EPHA4: variants seen among roughly 807,000 people sequenced by gnomAD.
EPHA4 encodes ephrin type-A receptor 4.
EPHA4 carries 19 observed loss-of-function variants against 108.3 expected under a neutral mutation model. The ratio of observed to expected loss-of-function variants is 0.18; its 90% CI spans 0.12 to 0.26. The LOEUF is 0.26. Among genes scored for constraint, EPHA4 ranks in the 10% least tolerant of loss-of-function variants. The probability of loss-of-function intolerance (pLI) is 1.00; values close to 1 mark genes in which losing one functional copy is unlikely to be tolerated. For synonymous variants in EPHA4, 449 were observed against 455.5 expected, an observed-to-expected ratio of 0.99 and a Z score of 0.18; for missense variants, 917 against 1,254.0, an observed-to-expected ratio of 0.73 and a Z score of 4.06.
intron 3 of EPHA4, among the ~76,000 whole-genome samples, chr2:221,545,855 C>G (rs997667428): frequency 6.6e-6 from 1 of 152,194 alleles, no homozygotes; most frequent in South Asian, 2.1e-4. Flanking sequence ...AGATTCTACA[C>G]TTAAAGGCCA....
At chr2:221,440,877 T>C (rs1049643752) in intron 11 of EPHA4, among the ~76,000 whole-genome samples, 10 of 152,206 alleles carry the variant, frequency 6.6e-5, no homozygotes, top group Admixed American at 1.3e-4. Flanking sequence ...TGGTATGCGG[T>C]CGTTTGTCCC....
In EPHA4 at chr2:221,436,727, A is replaced by G. The variant is rs546491781; in HGVS notation, c.2137-119T>C. ...TATCCGGTATGCAATGAAACTCAACATTATTTCCAGGCCTTTCTGACCAAA... is the reference window on the plus strand; with the variant it reads ...TATCCGGTATGCAATGAAACTCAACGTTATTTCCAGGCCTTTCTGACCAAA... On this transcript the variant is annotated intron_variant, in intron 12 of 17. Transcript: ENST00000281821. 1.3e-5 allele frequency: 14 copies of G among 1,071,506 alleles called. No individual in the cohort carries two copies. The East Asian group carries it at 3.1e-4, about 23-fold the overall frequency. The allele number at this position is 1,071,506 out of a possible 1,614,324, so 66.4% of individuals were successfully genotyped here. A position where few individuals can be genotyped will look rare whatever the true frequency, so the allele number is the denominator to read the frequency against.
upstream of EPHA4, chr2:221,572,891 C>G (rs1694893247): frequency 1.3e-5 from 2 of 152,382 alleles, no homozygotes; most frequent in African/African-American, 4.8e-5. Flanking sequence ...CTCTATCACT[C>G]GCTTCTTCCC....
chr2:221,514,064 G>A (rs778207297), intron 3 of EPHA4, among the ~76,000 whole-genome samples: 17 of 146,072 alleles, frequency 1.2e-4, no homozygotes, highest in Non-Finnish European at 2.2e-4. Flanking sequence ...CCTTTCCCAC[G>A]GACTCAGTTA....
chr2:221,441,598 C>T (rs753608821), intron 11 of EPHA4, among the ~76,000 whole-genome samples: 40 of 152,168 alleles, frequency 2.6e-4, no homozygotes, highest in Middle Eastern at 3.4e-3. Context: ...GCTGTCACCC[C>T]GACTCTCCAC....
chr2:221,530,716 C>A (rs1428444662), intron 3 of EPHA4, among the ~76,000 whole-genome samples: 1 of 152,182 alleles, frequency 6.6e-6, no homozygotes, highest in African/African-American at 2.4e-5. Flanking sequence ...GAATTCTGTT[C>A]TCTGGCTCCA....
chr2:221,540,253 A>G (rs1693794913), intron 3 of EPHA4, among the ~76,000 whole-genome samples: 1 of 152,116 alleles, frequency 6.6e-6, no homozygotes, highest in African/African-American at 2.4e-5. Flanking sequence ...AATTCTCTCT[A>G]TTCAAAGAAC....
chr2:221,552,194 C>T (rs1694183018), intron 3 of EPHA4, among the ~76,000 whole-genome samples: 1 of 152,182 alleles, frequency 6.6e-6, no homozygotes, highest in Non-Finnish European at 1.5e-5. Context: ...GCCTATCAAA[C>T]ATTCTTCTCT....
chr2:221,537,303 C>G (rs970895301), intron 3 of EPHA4, among the ~76,000 whole-genome samples: 1 of 152,214 alleles, frequency 6.6e-6, no homozygotes, highest in Admixed American at 6.5e-5. Context: ...AAAGTACACT[C>G]AAAGCAATTT....
chr2:221,430,722 T>C (rs190535498), intron 14 of EPHA4, among the ~76,000 whole-genome samples: 1 of 152,326 alleles, frequency 6.6e-6, no homozygotes, highest in Admixed American at 6.5e-5. Flanking sequence ...AGACACCAAC[T>C]CTGAATTTCT....
At position 221,496,926 on chromosome 2, in the gene EPHA4, G is replaced by C. The variant is rs191600738; in HGVS notation, c.979+4091C>G. The stretch of plus-strand genomic sequence containing the variant: ...CTCGGTCTCAAAAAAAAAAAATTTA[G>C]TTCCATTGGAGGGGTCTGAACCTTA... On this transcript the variant is annotated intron_variant, in intron 4 of 17. Transcript: ENST00000281821. Among the ~76,000 whole-genome samples, 364 of 152,072 alleles carry C rather than the reference G, an allele frequency of 2.4e-3. 1 individual carries two copies. Among genetic ancestry groups the C allele is most frequent in the African/African-American group, 8.4e-3 (350 of 41,510 alleles).
chr2:221,418,778 C>T lies in EPHA4; in HGVS notation c.*2594G>A, dbSNP rs556988239. On this transcript the variant is annotated 3_prime_UTR_variant, in exon 18 of 18. Coordinates refer to ENST00000281821, the MANE Select transcript of EPHA4 (RefSeq NM_004438.5). ...AGCTCACTCGGCCAGGGCTTGCCCACGGGCTCAGACCCAGACCCTGAAGTT... is the reference window on the plus strand; with the variant it reads ...AGCTCACTCGGCCAGGGCTTGCCCATGGGCTCAGACCCAGACCCTGAAGTT... 5.0e-4 allele frequency: 77 copies of T among 152,582 alleles called. No homozygotes were observed. Among genetic ancestry groups the T allele is most frequent in the South Asian group, 5.0e-3 (24 of 4,822 alleles). 9.5% of individuals were successfully genotyped at this position (152,582 alleles called of 1,614,324 possible). A position where few individuals can be genotyped will look rare whatever the true frequency, so the allele number is the denominator to read the frequency against.
chr2:221,540,063 G>A (rs1234287169), intron 3 of EPHA4, among the ~76,000 whole-genome samples: 2 of 152,112 alleles, frequency 1.3e-5, no homozygotes, highest in Non-Finnish European at 2.9e-5. Flanking sequence ...GGAATTACAG[G>A]TGTGTGCCAC....
chr2:221,471,177 A>G (rs1691476238), intron 5 of EPHA4, among the ~76,000 whole-genome samples: 1 of 152,170 alleles, frequency 6.6e-6, no homozygotes, highest in Admixed American at 6.6e-5. Context: ...GTCATAAGAA[A>G]TAATAAAGAA....
In EPHA4 at chr2:221,501,046, T is replaced by C. The variant is rs1692472335; in HGVS notation, c.950A>G (p.Asp317Gly). The C allele has an allele frequency of 1.2e-6, 2 of 1,612,680 alleles. No individual in the cohort carries two copies. The highest frequency in any genetic ancestry group is 1.7e-6 in the Non-Finnish European group (2 of 1,179,356). The change falls in exon 4 of 18, where the codon GAC becomes GGC. Residue 317 changes from aspartate to glycine, a missense_variant. Asp to Gly is a moderately conservative substitution (Grantham distance 94). Coordinates refer to ENST00000281821, the MANE Select transcript of EPHA4 (RefSeq NM_004438.5). ...GCAGGGCATAGAGGCAGCATCGTTG[T>C]CAGCTCTGAAAAAGCCTCGGTCACA... ...CTCDRGFFRADNDAASMPCTR... is the reference protein window; with the variant it reads ...CTCDRGFFRAGNDAASMPCTR...
At chr2:221,514,099 G>A (rs1157052688) in intron 3 of EPHA4, among the ~76,000 whole-genome samples, 1 of 150,486 alleles carries the variant, frequency 6.6e-6, no homozygotes, top group African/African-American at 2.5e-5. Flanking sequence ...GGGGGGAGGG[G>A]GTTTGAAAAT....
chr2:221,447,846 A>ATTTATTTATTTATTTATTTAT (rs1690642590), intron 8 of EPHA4, among the ~76,000 whole-genome samples: 1 of 51,436 alleles, frequency 1.9e-5, no homozygotes, highest in African/African-American at 7.9e-5. Flanking sequence ...TATTTATTTA[A>ATTTATTTATTTATTTATTTAT]TTTATTATTT....
chr2:221,474,901 C>T (rs997825948), intron 5 of EPHA4, among the ~76,000 whole-genome samples: 2 of 152,132 alleles, frequency 1.3e-5, no homozygotes, highest in Non-Finnish European at 2.9e-5. Context: ...TCGAGTCTCA[C>T]TCTGTCATCC....
intron 5 of EPHA4, among the ~76,000 whole-genome samples, chr2:221,463,172 ACT>A (rs1360260643): frequency 6.6e-6 from 1 of 152,152 alleles, no homozygotes; most frequent in Non-Finnish European, 1.5e-5. Flanking sequence ...TTAGGAACAG[ACT>A]CTGTTTTTCC....
Sources: gnomAD v4.1 joint callset for allele counts (sites outside exome capture counted in the v4.1 genomes callset) on GRCh38, gnomAD v4.1.1 for gene constraint, MANE v1.5 for transcripts, NCBI Gene and HGNC (gene_info 2026-07-23, HGNC 2026-07-21) for gene names.